The following LDB2 variants were observed in gnomAD, a reference collection of about 807,000 sequenced individuals.
The protein encoded by LDB2 is LIM domain binding 2, also known as LIM domain-binding protein 2.
A neutral mutation model predicts 44.3 loss-of-function variants in LDB2; 12 were observed. That is an observed-to-expected ratio of 0.27 (90% confidence interval 0.17 to 0.44). LDB2 has a LOEUF of 0.44. LDB2 is among the 20% of genes least tolerant of loss of function. The pLI is 1.00. For missense variants in LDB2, 344 were observed against 473.5 expected (o/e 0.73, Z 2.54); for synonymous variants, 164 against 174.8 (o/e 0.94, Z 0.49).
At chr4:16,796,867 G>C (rs1020933066) in intron 1 of LDB2, among the ~76,000 whole-genome samples, 1 of 152,154 alleles carries the variant, frequency 6.6e-6, no homozygotes, top group African/African-American at 2.4e-5. Flanking sequence ...CGCCCAAAGG[G>C]AGGGACATTC....
intron 5 of LDB2, among the ~76,000 whole-genome samples, chr4:16,563,543 G>T (rs1743320116): frequency 7.0e-6 from 1 of 142,138 alleles, no homozygotes; most frequent in East Asian, 2.2e-4. Flanking sequence ...CCGCCTCCCG[G>T]GTTCACGCCA....
At position 16,732,276 on chromosome 4, in the gene LDB2, A is replaced by C. The variant is rs545583127; in HGVS notation, c.235+26882T>G. Among the ~76,000 whole-genome samples, 3 of 152,260 alleles carry C rather than the reference A, an allele frequency of 2.0e-5. No homozygotes were observed. The South Asian group carries it at 6.2e-4, about 32-fold the overall frequency. On this transcript the variant is annotated intron_variant, in intron 2 of 7. Transcript: ENST00000304523. Reference sequence around the variant, plus strand: ...ATGCAAATACAATTATTAGTTATGCATTTCAATACACCCTAAAATGGTAAA... The same window carrying C: ...ATGCAAATACAATTATTAGTTATGCCTTTCAATACACCCTAAAATGGTAAA...
intron 5 of LDB2, among the ~76,000 whole-genome samples, chr4:16,541,756 A>G (rs1342798999): frequency 2.0e-5 from 3 of 152,204 alleles, no homozygotes; most frequent in Non-Finnish European, 4.4e-5. Flanking sequence ...CACCTCATCT[A>G]TCACATAAAA....
intron 1 of LDB2, among the ~76,000 whole-genome samples, chr4:16,849,759 T>C (rs549033865): frequency 1.3e-5 from 2 of 152,334 alleles, no homozygotes; most frequent in Admixed American, 6.5e-5. Flanking sequence ...TTCCCTCTTA[T>C]CACTCTCTGG....
chr4:16,882,429 T>TA (rs1393649093), intron 1 of LDB2, among the ~76,000 whole-genome samples: 3 of 151,754 alleles, frequency 2.0e-5, no homozygotes, highest in East Asian at 1.9e-4. Flanking sequence ...CCTGCCTCCA[T>TA]AAAAAAAAGT....
At chr4:16,550,921 T>A (rs924258329) in intron 5 of LDB2, among the ~76,000 whole-genome samples, 1 of 152,238 alleles carries the variant, frequency 6.6e-6, no homozygotes, top group Non-Finnish European at 1.5e-5. Flanking sequence ...CTCCTTGCTG[T>A]ACTTAAATGA....
At chr4:16,618,905 C>T (rs1273562566) in intron 2 of LDB2, among the ~76,000 whole-genome samples, 4 of 152,088 alleles carry the variant, frequency 2.6e-5, no homozygotes, top group Non-Finnish European at 5.9e-5. Flanking sequence ...AGAGTGTGGT[C>T]AGTTCTCACG....
At position 16,739,643 on chromosome 4, in the gene LDB2, TAC is replaced by T. The variant is rs1414888805; in HGVS notation, c.235+19513_235+19514del. ...ACATGTGTGTGTATATATGTATATATACATATGTGTGTATATATGTATATATA... is the reference window on the plus strand; with the variant it reads ...ACATGTGTGTGTATATATGTATATATATATGTGTGTATATATGTATATATA... On this transcript the variant is annotated intron_variant, in intron 2 of 7. Coordinates refer to ENST00000304523, the MANE Select transcript of LDB2 (RefSeq NM_001290.5). Among the ~76,000 whole-genome samples the T allele has an allele frequency of 6.1e-4, 48 of 78,866 alleles. 3 individuals carry two copies. Among genetic ancestry groups the T allele is most frequent in the African/African-American group, 1.5e-3 (31 of 20,090 alleles). 51.7% of individuals were successfully genotyped at this position (78,866 alleles called of 152,430 possible).
chr4:16,558,409 G>T (rs1346692721), intron 5 of LDB2, among the ~76,000 whole-genome samples: 1 of 152,224 alleles, frequency 6.6e-6, no homozygotes, highest in Non-Finnish European at 1.5e-5. Context: ...ACTACGTGAA[G>T]AATGCAAAAG....
At chr4:16,562,517 T>A (rs1050439697) in intron 5 of LDB2, among the ~76,000 whole-genome samples, 1 of 152,288 alleles carries the variant, frequency 6.6e-6, no homozygotes, top group East Asian at 1.9e-4. Context: ...CACAATGAGA[T>A]ACCATCTCAC....
chr4:16,833,960 C>G (rs1784482372), intron 1 of LDB2, among the ~76,000 whole-genome samples: 1 of 152,218 alleles, frequency 6.6e-6, no homozygotes, highest in African/African-American at 2.4e-5. Context: ...GTCTCTTACC[C>G]AATGTCCATG....
In LDB2 at chr4:16,508,695, T is replaced by C. The variant is rs572722270; in HGVS notation, c.740-9A>G. ...TTGCCTTGTGGGTTCTGCTGCAATATGGAAAAGGGAAGAGGGATCAGTTCT... is the reference window on the plus strand; with the variant it reads ...TTGCCTTGTGGGTTCTGCTGCAATACGGAAAAGGGAAGAGGGATCAGTTCT... On this transcript the variant is annotated splice_polypyrimidine_tract_variant and intron_variant, in intron 6 of 7. Transcript: ENST00000304523. 3.7e-6 allele frequency: 6 copies of C among 1,612,816 alleles called. No homozygotes were observed. Among genetic ancestry groups the C allele is most frequent in the Admixed American group, 1.7e-5 (1 of 59,898 alleles).
At chr4:16,841,672 T>G (rs894506655) in intron 1 of LDB2, among the ~76,000 whole-genome samples, 7 of 152,214 alleles carry the variant, frequency 4.6e-5, no homozygotes, top group African/African-American at 1.4e-4. Flanking sequence ...TAGGATGCAG[T>G]ATGTGCAAAA....
chr4:16,743,783 T>C (rs943377565), intron 2 of LDB2, among the ~76,000 whole-genome samples: 6 of 152,028 alleles, frequency 3.9e-5, no homozygotes, highest in African/African-American at 1.4e-4. Flanking sequence ...AAATGACACC[T>C]CAGTTTCTGC....
chr4:16,881,504 C>T (rs1720079996), intron 1 of LDB2, among the ~76,000 whole-genome samples: 3 of 151,800 alleles, frequency 2.0e-5, no homozygotes, highest in Non-Finnish European at 2.9e-5. Context: ...AGGCTCCTGC[C>T]TTCATCTTTA....
At chr4:16,802,069 G>C (rs1225674624) in intron 1 of LDB2, among the ~76,000 whole-genome samples, 1 of 152,146 alleles carries the variant, frequency 6.6e-6, no homozygotes, top group East Asian at 1.9e-4. Context: ...TTGCACAGGT[G>C]AATTAGCGAA....
intron 2 of LDB2, among the ~76,000 whole-genome samples, chr4:16,719,930 A>G (rs745674537): frequency 3.3e-5 from 5 of 152,102 alleles, no homozygotes; most frequent in Non-Finnish European, 5.9e-5. Flanking sequence ...AAACAACTTG[A>G]AGCAAAAACC....
intron 2 of LDB2, among the ~76,000 whole-genome samples, chr4:16,699,854 A>G (rs996842548): frequency 1.3e-5 from 2 of 152,164 alleles, no homozygotes; most frequent in African/African-American, 4.8e-5. Context: ...TCCATTCCCA[A>G]TATGGCGAAC....
intron 5 of LDB2, among the ~76,000 whole-genome samples, chr4:16,578,951 A>G (rs1713053693): frequency 6.6e-6 from 1 of 152,232 alleles, no homozygotes; most frequent in African/African-American, 2.4e-5. Flanking sequence ...ACAGAAAGAC[A>G]GATATTGCAT....
Sources: allele counts gnomAD v4.1 joint callset (sites outside exome capture counted in the v4.1 genomes callset), GRCh38; gene constraint gnomAD v4.1.1; transcripts MANE v1.5; gene names NCBI Gene and HGNC (gene_info 2026-07-23, HGNC 2026-07-21).